Variants in UGT3A1 observed in about 807,000 individuals in gnomAD.
UGT3A1 encodes the protein UDP glycosyltransferase family 3 member A1.
UGT3A1 carries 40 observed loss-of-function variants against 37.6 expected under a neutral mutation model. The ratio of observed to expected loss-of-function variants is 1.06; its 90% confidence interval spans 0.83 to 1.38. The LOEUF is 1.38. UGT3A1 is among the 40% of genes most tolerant of loss of function. The pLI is 0.00. For synonymous variants in UGT3A1, 256 were observed against 232.3 expected (o/e 1.10, Z -0.93); for missense variants, 642 against 634.2 (o/e 1.01, Z -0.13).
intron 4 of UGT3A1, 57 bp downstream of exon 4, chr5:35,965,329 A>G: frequency 1.3e-6 from 2 of 1,564,322 alleles, no homozygotes; most frequent in Non-Finnish European, 1.7e-6. Context: ...GCAGCCACCA[A>G]CTATGCACCC....
At chr5:35,979,337 T>C (rs776772495) in intron 2 of UGT3A1, among the ~76,000 whole-genome samples, 2 of 152,106 alleles carry the variant, frequency 1.3e-5, no homozygotes, top group African/African-American at 2.4e-5. Flanking sequence ...CCTTACAAAC[T>C]TATAAAACTG....
At chr5:35,974,810 C>T (rs376151109) in intron 2 of UGT3A1, among the ~76,000 whole-genome samples, 4 of 152,212 alleles carry the variant, frequency 2.6e-5, no homozygotes, top group African/African-American at 9.6e-5. Context: ...TCTCTAACCT[C>T]AAGGATACAT....
At chr5:35,961,415 T>C (rs1298770372) in intron 4 of UGT3A1, 2 of 152,202 alleles carry the variant, frequency 1.3e-5, no homozygotes, top group African/African-American at 2.4e-5. Flanking sequence ...TAAGGTTAAG[T>C]AGGCATGGGT....
In UGT3A1 at chr5:35,968,097, CT is replaced by C; in HGVS notation, c.232del (p.Arg78GlyfsTer20). 6.2e-7 allele frequency: 1 copy of C among 1,612,964 alleles called. No homozygotes were observed. ...TTGATGATCTTCAGGTGAAAACCAC[CT>C]GATAACTTGGTATGATTTTTCCTCC... ...KEEEKSYQVI[R>X]WFSPEDHQKR... is the part of the protein sequence containing the mutation. On this transcript the variant is annotated frameshift_variant, in exon 3 of 7. Coordinates refer to ENST00000274278, the MANE Select transcript of UGT3A1 (RefSeq NM_152404.4). LOFTEE classifies it high-confidence loss of function.
At chr5:35,985,079 T>TAAAAAAAAAA (rs59401195) in intron 2 of UGT3A1, among the ~76,000 whole-genome samples, 505 of 114,450 alleles carry the variant, frequency 4.4e-3, no homozygotes, top group Middle Eastern at 6.6e-3. Context: ...ACATAAAATA[T>TAAAAAAAAAA]AAAAAAAAAA....
chr5:35,976,989 GAGAAAGAAAGAAA>G (rs1561466700), intron 2 of UGT3A1, among the ~76,000 whole-genome samples: 3 of 146,514 alleles, frequency 2.0e-5, no homozygotes, highest in South Asian at 4.3e-4. Flanking sequence ...AGAAGAGAAA[GAGAAAGAAAGAAA>G]AGAAAGAAAG....
intron 2 of UGT3A1, among the ~76,000 whole-genome samples, chr5:35,972,325 T>C (rs1345842443): frequency 6.6e-6 from 1 of 151,802 alleles, no homozygotes; most frequent in African/African-American, 2.4e-5. Context: ...AGTTGAGAGG[T>C]TTTAAAAACA....
chr5:35,980,844 T>C (rs956075972), intron 2 of UGT3A1, among the ~76,000 whole-genome samples: 1 of 152,210 alleles, frequency 6.6e-6, no homozygotes, highest in Admixed American at 6.5e-5. Flanking sequence ...ATGTTGTACA[T>C]TTCACTCCTC....
At chr5:35,975,920 G>A (rs1192331098) in intron 2 of UGT3A1, among the ~76,000 whole-genome samples, 1 of 152,160 alleles carries the variant, frequency 6.6e-6, no homozygotes, top group African/African-American at 2.4e-5. Context: ...TTCTCCAGGA[G>A]ACTATATATG....
chr5:35,955,525 C>T (rs947350202), intron 6 of UGT3A1, 120 bp downstream of exon 6: 1 of 1,156,282 alleles, frequency 8.6e-7, no homozygotes, highest in South Asian at 1.4e-5. Context: ...TAGCATCACA[C>T]ACATGTTATT....
chr5:35,958,084 T>C (rs1739429119), intron 4 of UGT3A1, among the ~76,000 whole-genome samples: 1 of 152,106 alleles, frequency 6.6e-6, no homozygotes, highest in Non-Finnish European at 1.5e-5. Flanking sequence ...AGCTCTTATA[T>C]ATTGTTGATG....
At chr5:35,971,618 C>T (rs1262236166) in intron 2 of UGT3A1, among the ~76,000 whole-genome samples, 1 of 152,174 alleles carries the variant, frequency 6.6e-6, no homozygotes. Context: ...GACCCACTCT[C>T]TCCCTTTACT....
Position 35,952,768 on chromosome 5 carries a change from C to T in UGT3A1, c.*1434G>A, listed in dbSNP as rs1739221388. The T allele has an allele frequency of 6.6e-6, 1 of 152,166 alleles. No homozygotes were observed. The highest frequency in any genetic ancestry group is 2.4e-5 in the African/African-American group (1 of 41,416). 9.4% of individuals were successfully genotyped at this position (152,166 alleles called of 1,614,324 possible). On this transcript the variant is annotated 3_prime_UTR_variant, in exon 7 of 7. Coordinates refer to ENST00000274278, the MANE Select transcript of UGT3A1 (RefSeq NM_152404.4). ...CAGCAATAAAACCTTGTATTATACG[C>T]ACACAGATACACACACTCTAATGTA...
At chr5:35,994,294 C>T (rs75542616), upstream of UGT3A1, among the ~76,000 whole-genome samples, 499 of 149,604 alleles carry the variant, frequency 3.3e-3, 5 homozygotes, top group African/African-American at 0.011. Flanking sequence ...TTTTGCTTAA[C>T]GGTTTTGTTG....
At chr5:35,966,141 CT>C (rs1026027099) in intron 3 of UGT3A1, among the ~76,000 whole-genome samples, 5 of 152,306 alleles carry the variant, frequency 3.3e-5, no homozygotes, top group Admixed American at 2.0e-4. Context: ...ATTTCTTCCC[CT>C]GATCCAATTC....
rs1443237459 is a variant in UGT3A1 at position 35,952,075 on chromosome 5, TGA to T, written c.*2125_*2126del. On this transcript the variant is annotated 3_prime_UTR_variant, in exon 7 of 7. Transcript: ENST00000274278. ...AAAAATGCTTCAAAAGAGAATGCAGTGAGCTCCATTTCAGGTGTAGTGGTCAG... is the reference window on the plus strand; with the variant it reads ...AAAAATGCTTCAAAAGAGAATGCAGTGCTCCATTTCAGGTGTAGTGGTCAG... The T allele has an allele frequency of 6.6e-6, 1 of 152,200 alleles. No individual in the cohort carries two copies. The highest frequency in any genetic ancestry group is 2.4e-5 in the African/African-American group (1 of 41,440). The allele number at this position is 152,200 out of a possible 1,614,324, so 9.4% of individuals were successfully genotyped here. A position where few individuals can be genotyped will look rare whatever the true frequency, so the allele number is the denominator to read the frequency against.
At chr5:35,998,196 A>T (rs539140218) in intron 1 of UGT3A1, among the ~76,000 whole-genome samples, 1 of 152,300 alleles carries the variant, frequency 6.6e-6, no homozygotes, top group Admixed American at 6.5e-5. Context: ...CCAAACTACA[A>T]ATTTCCTTTC....
At chr5:35,972,689 A>T (rs978087194) in intron 2 of UGT3A1, among the ~76,000 whole-genome samples, 1 of 152,146 alleles carries the variant, frequency 6.6e-6, no homozygotes, top group Admixed American at 6.5e-5. Context: ...ATTAGGTGGC[A>T]ATCATTGGAT....
intron 4 of UGT3A1, among the ~76,000 whole-genome samples, chr5:35,958,731 C>G (rs978968995): frequency 6.6e-6 from 1 of 152,220 alleles, no homozygotes; most frequent in African/African-American, 2.4e-5. Context: ...TTTTATTTAC[C>G]TTTGCCCTGG....
Sources: allele counts gnomAD v4.1 joint callset (sites outside exome capture counted in the v4.1 genomes callset), GRCh38; gene constraint gnomAD v4.1.1; transcripts MANE v1.5; gene names NCBI Gene and HGNC (gene_info 2026-07-23, HGNC 2026-07-21).